Variants in BLTP1 observed in about 807,000 individuals in gnomAD.
BLTP1 encodes the protein bridge-like lipid transfer protein family member 1.
chr4:122,292,059 C>T, the BLTP1 span, among the ~76,000 whole-genome samples: 1 of 151,094 alleles, frequency 6.6e-6, no homozygotes, highest in Admixed American at 6.6e-5. Context: ...CAACCTCTAC[C>T]TCCCGGGTTC....
the BLTP1 span, among the ~76,000 whole-genome samples, chr4:122,217,885 C>T: frequency 6.6e-6 from 1 of 151,972 alleles, no homozygotes; most frequent in South Asian, 2.1e-4. Flanking sequence ...CTTTTTCTCT[C>T]TCACTGTTTG....
chr4:122,223,489 A>G, the BLTP1 span, among the ~76,000 whole-genome samples: 1 of 152,202 alleles, frequency 6.6e-6, no homozygotes. Context: ...GATACTTAGT[A>G]CACAAGGCAG....
At chr4:122,246,141 G>A in the BLTP1 span, 4 of 1,551,384 alleles carry the variant, frequency 2.6e-6, no homozygotes, top group South Asian at 1.3e-5. Flanking sequence ...TTTCACTTAC[G>A]ATCTTTTTAG....
the BLTP1 span, chr4:122,245,023 T>G: frequency 1.2e-6 from 2 of 1,608,638 alleles, no homozygotes; most frequent in Non-Finnish European, 1.7e-6. Context: ...CCCTCAGATA[T>G]ATTGAAGCAA....
the BLTP1 span, chr4:122,274,276 A>G: frequency 1.1e-6 from 1 of 908,250 alleles, no homozygotes; most frequent in Non-Finnish European, 1.7e-6. Context: ...AATAAAATGT[A>G]ATTTTAATAT....
chr4:122,262,826 G>A, the BLTP1 span: 1 of 1,613,780 alleles, frequency 6.2e-7, no homozygotes. Flanking sequence ...ATTCTCCAGT[G>A]CATGTTGGAC....
the BLTP1 span, chr4:122,189,898 T>C: frequency 2.7e-6 from 4 of 1,481,954 alleles, no homozygotes; most frequent in Non-Finnish European, 2.7e-6. Context: ...TGTTAGTTTT[T>C]TTTTCCTTTT....
At chr4:122,251,384 G>A in the BLTP1 span, 118 of 919,186 alleles carry the variant, frequency 1.3e-4, no homozygotes, top group Middle Eastern at 1.1e-3. Context: ...TCTAGTATGG[G>A]TATCTAGTAA....
the BLTP1 span, among the ~76,000 whole-genome samples, chr4:122,186,645 C>G: frequency 6.6e-6 from 1 of 152,012 alleles, no homozygotes; most frequent in Non-Finnish European, 1.5e-5. Flanking sequence ...AGCAGTTTGT[C>G]TGTAAGATTG....
At chr4:122,320,377 C>T in the BLTP1 span, among the ~76,000 whole-genome samples, 37 of 152,202 alleles carry the variant, frequency 2.4e-4, no homozygotes, top group Admixed American at 1.2e-3. Flanking sequence ...TCTCAAACTC[C>T]TGGCCTCAGG....
chr4:122,190,195 C>T, the BLTP1 span: 215 of 1,315,350 alleles, frequency 1.6e-4, no homozygotes, highest in Non-Finnish European at 1.7e-4. Flanking sequence ...CTTCCAGGCT[C>T]AAACAATCCT....
At chr4:122,311,155 G>A in the BLTP1 span, among the ~76,000 whole-genome samples, 1 of 151,988 alleles carries the variant, frequency 6.6e-6, no homozygotes, top group Non-Finnish European at 1.5e-5. Context: ...ATCTTAAAGG[G>A]CAAATGCATA....
chr4:122,280,473 C>T, the BLTP1 span, among the ~76,000 whole-genome samples: 1 of 152,038 alleles, frequency 6.6e-6, no homozygotes, highest in Non-Finnish European at 1.5e-5. Flanking sequence ...CATACATCTT[C>T]ACTGCTGAGC....
At chr4:122,229,746 T>C in the BLTP1 span, 1 of 963,134 alleles carries the variant, frequency 1.0e-6, no homozygotes, top group Admixed American at 6.2e-5. Context: ...TTTTATTTTG[T>C]TTAACTTTTC....
the BLTP1 span, among the ~76,000 whole-genome samples, chr4:122,329,840 G>A: frequency 3.0e-4 from 45 of 151,680 alleles, no homozygotes; most frequent in African/African-American, 9.4e-4. Context: ...TTAATCTTGC[G>A]TAACTAAAAC....
chr4:122,180,890 T>A, the BLTP1 span, among the ~76,000 whole-genome samples: 10 of 152,228 alleles, frequency 6.6e-5, no homozygotes, highest in Admixed American at 6.5e-4. Context: ...TAAATTACAC[T>A]AATAGATTAT....
the BLTP1 span, among the ~76,000 whole-genome samples, chr4:122,192,807 A>G: frequency 2.6e-5 from 4 of 152,224 alleles, no homozygotes; most frequent in Admixed American, 6.5e-5. Flanking sequence ...AGGTGCTATA[A>G]TAAAGGTAAG....
At chr4:122,172,685 T>A in the BLTP1 span, among the ~76,000 whole-genome samples, 3 of 152,360 alleles carry the variant, frequency 2.0e-5, no homozygotes, top group South Asian at 6.2e-4. Flanking sequence ...AACTTGGGAA[T>A]GAACTTGTGT....
At chr4:122,281,975 C>T in the BLTP1 span, 1 of 984,774 alleles carries the variant, frequency 1.0e-6, no homozygotes. Flanking sequence ...CCAGAATGAA[C>T]TCTTTTGAAC....
Sources: gnomAD v4.1 joint callset for allele counts (sites outside exome capture counted in the v4.1 genomes callset) on GRCh38, gnomAD v4.1.1 for gene constraint, MANE v1.5 for transcripts, NCBI Gene and HGNC (gene_info 2026-07-23, HGNC 2026-07-21) for gene names.